TOX4: variants seen among roughly 807,000 people sequenced by gnomAD.
The protein encoded by TOX4 is epidermal Langerhans cell protein LCP1.
TOX4 carries 12 observed loss-of-function variants against 61.0 expected under a neutral mutation model. That is an observed-to-expected ratio of 0.20 (90% CI 0.13 to 0.32). The LOEUF is 0.32. Ranked by LOEUF, TOX4 falls within the 10% of genes least tolerant of loss-of-function variation. The pLI is 1.00. For synonymous variants in TOX4, 268 were observed against 274.8 expected (o/e 0.98, Z 0.24); for missense variants, 499 against 753.3 (o/e 0.66, Z 3.95).
rs185367879 is a variant in TOX4, at chr14:21,496,618, C to A, written c.*12C>A. 65 of 1,608,406 alleles carry A rather than the reference C, an allele frequency of 4.0e-5. 1 individual carries two copies. In the East Asian group the frequency reaches 1.4e-3, roughly 35 times the overall value. ...TGTTTGTGAAATAGTCCTTCCTGTT[C>A]TCCAAGCCAGTGAAGAGTTATCTGC... is the stretch of plus-strand genomic sequence containing the variant. On this transcript the variant is annotated 3_prime_UTR_variant, in exon 9 of 9. Transcript: ENST00000448790.
At chr14:21,480,357 T>C (rs1403120779) in intron 2 of TOX4, among the ~76,000 whole-genome samples, 1 of 152,216 alleles carries the variant, frequency 6.6e-6, no homozygotes, top group Non-Finnish European at 1.5e-5. Flanking sequence ...GTAGCTTCCT[T>C]TGCCTAAGGC....
chr14:21,487,344 G>GA (rs1029381116), intron 2 of TOX4, 107 bp from the exon 3 acceptor site: 47 of 1,452,796 alleles, frequency 3.2e-5, no homozygotes, highest in African/African-American at 2.3e-4. Flanking sequence ...ATCCTAAGCA[G>GA]AAAAAATGCA....
Position 21,492,688 on chromosome 14 carries a change from G to A in TOX4, c.1072G>A (p.Gly358Arg). ...CTATGTGGCAAACCAGGCATCTTCT[G>A]GAGCTGGGGGTCAGCCCAATATCAC... ...SSYVANQASSGAGGQPNITKL... is the reference protein window; with the variant it reads ...SSYVANQASSRAGGQPNITKL... The change falls in exon 7 of 9, where the codon GGA becomes AGA. Residue 358 changes from glycine to arginine, a missense_variant. Transcript: ENST00000448790. 6.2e-7 allele frequency: 1 copy of A among 1,614,042 alleles called. No homozygotes were observed. The highest frequency in any genetic ancestry group is 8.5e-7 in the Non-Finnish European group (1 of 1,180,026).
chr14:21,487,444 C>G lies in TOX4; in HGVS notation c.76-7C>G. 6.2e-7 allele frequency: 1 copy of G among 1,611,138 alleles called. No homozygotes were observed. The highest frequency in any genetic ancestry group is 1.1e-5 in the South Asian group (1 of 90,886). ...ACTAATTCTTTTCCCCCTTTTTTCCCCTACAGACATTCCATACACCAAGCT... is the reference window on the plus strand; with the variant it reads ...ACTAATTCTTTTCCCCCTTTTTTCCGCTACAGACATTCCATACACCAAGCT... On this transcript the variant is annotated splice_region_variant and splice_polypyrimidine_tract_variant and intron_variant, in intron 2 of 8. Transcript: ENST00000448790.
chr14:21,479,002 C>G (rs990754227), intron 2 of TOX4, among the ~76,000 whole-genome samples: 2 of 74,334 alleles, frequency 2.7e-5, no homozygotes, highest in Admixed American at 2.7e-4. Context: ...TTTGTAGAGA[C>G]GGGGTTTCAC....
chr14:21,487,958 A>T, intron 3 of TOX4: 1 of 305,116 alleles, frequency 3.3e-6, no homozygotes, highest in Non-Finnish European at 5.9e-6. Flanking sequence ...TTCTGCTTTT[A>T]TTATGGCCTT....
chr14:21,489,355 A>T lies in TOX4; in HGVS notation c.762A>T (p.Ser254=). The T allele has an allele frequency of 1.2e-6, 2 of 1,614,234 alleles. No homozygotes were observed. Among genetic ancestry groups the T allele is most frequent in the Non-Finnish European group, 1.7e-6 (2 of 1,180,044 alleles). ...QNPNATFGEV[S]KIVASMWDSL... ...CTAATGCCACTTTTGGTGAGGTTTCAAAAATTGTGGCCTCCATGTGGGATA... is the reference window on the plus strand; with the variant it reads ...CTAATGCCACTTTTGGTGAGGTTTCTAAAATTGTGGCCTCCATGTGGGATA... Residue 254 remains serine, a synonymous_variant, in exon 5 of 9, where the codon TCA becomes TCT. Coordinates refer to ENST00000448790, the MANE Select transcript of TOX4 (RefSeq NM_014828.4).
chr14:21,496,906 T>C lies in TOX4; in HGVS notation c.*300T>C. On this transcript the variant is annotated 3_prime_UTR_variant, in exon 9 of 9. Transcript: ENST00000448790. ...GGGGTGGTGGTGGGGTTGAAGAAAC[T>C]TGTTGGTATAATTGTCATAGGACTT... is the stretch of plus-strand genomic sequence containing the variant. 1 of 306,964 alleles carries C rather than the reference T, an allele frequency of 3.3e-6. No individual in the cohort carries two copies. Among genetic ancestry groups the C allele is most frequent in the East Asian group, 6.7e-5 (1 of 14,926 alleles). The allele number at this position is 306,964 out of a possible 1,614,324, so 19.0% of individuals were successfully genotyped here.
At chr14:21,480,068 A>G (rs567778335) in intron 2 of TOX4, among the ~76,000 whole-genome samples, 1 of 152,298 alleles carries the variant, frequency 6.6e-6, no homozygotes, top group Admixed American at 6.5e-5. Context: ...CCTAGGCTCA[A>G]GCGATCCTCC....
chr14:21,480,071 G>A (rs1891082085), intron 2 of TOX4, among the ~76,000 whole-genome samples: 1 of 152,120 alleles, frequency 6.6e-6, no homozygotes, highest in Non-Finnish European at 1.5e-5. Context: ...AGGCTCAAGC[G>A]ATCCTCCCAC....
intron 7 of TOX4, 117 bp from the exon 8 acceptor site, chr14:21,495,112 C>T (rs540308205): frequency 2.5e-6 from 3 of 1,183,880 alleles, no homozygotes; most frequent in Non-Finnish European, 3.6e-6. Context: ...GTTTTGCCCC[C>T]CAGTGTGAGG....
Position 21,497,428 on chromosome 14 carries a change from TTGTAGACAGGAATGC to T in TOX4, c.*826_*840del, listed in dbSNP as rs1226535738. ...TAAATAAAACTCAAATTTTTACTGTTTGTAGACAGGAATGCTGTCCTAGAGAACCTCCTCCTCAAC... is the reference window on the plus strand; with the variant it reads ...TAAATAAAACTCAAATTTTTACTGTTTGTCCTAGAGAACCTCCTCCTCAAC... On this transcript the variant is annotated 3_prime_UTR_variant, in exon 9 of 9. Coordinates refer to ENST00000448790, the MANE Select transcript of TOX4 (RefSeq NM_014828.4). 1 of 152,120 alleles carries T rather than the reference TTGTAGACAGGAATGC, an allele frequency of 6.6e-6. No homozygotes were observed. The highest frequency in any genetic ancestry group is 1.5e-5 in the Non-Finnish European group (1 of 68,032). The allele number at this position is 152,120 out of a possible 1,614,324, so 9.4% of individuals were successfully genotyped here.
In TOX4 at chr14:21,496,764, A is replaced by G. The variant is rs907180511; in HGVS notation, c.*158A>G. On this transcript the variant is annotated 3_prime_UTR_variant, in exon 9 of 9. Coordinates refer to ENST00000448790, the MANE Select transcript of TOX4 (RefSeq NM_014828.4). ...TTCTTCCTTCAGCAGAGGCCAGGCT[A>G]TGGAGCAGGGCCACTGAATTTGCTG... 6.5e-5 allele frequency: 41 copies of G among 630,710 alleles called. No individual in the cohort carries two copies. In the African/African-American group the frequency reaches 7.0e-4, roughly 11 times the overall value. 39.1% of individuals were successfully genotyped at this position (630,710 alleles called of 1,614,324 possible). A position where few individuals can be genotyped will look rare whatever the true frequency, so the allele number is the denominator to read the frequency against.
intron 2 of TOX4, among the ~76,000 whole-genome samples, chr14:21,478,000 G>A (rs959607701): frequency 6.6e-6 from 1 of 152,164 alleles, no homozygotes; most frequent in African/African-American, 2.4e-5. Context: ...GCAGTGGTGC[G>A]ATCTCGGCTC....
rs1891175417 is a variant in TOX4, at chr14:21,485,241, C to A, written c.76-2210C>A. Among the ~76,000 whole-genome samples, 2 of 104,260 alleles carry A rather than the reference C, an allele frequency of 1.9e-5. 1 individual carries two copies. The highest frequency in any genetic ancestry group is 6.7e-4 in the South Asian group (2 of 2,984). 68.4% of individuals were successfully genotyped at this position (104,260 alleles called of 152,430 possible). On this transcript the variant is annotated intron_variant, in intron 2 of 8. Transcript: ENST00000448790. ...GACCAGCCTGACCAACATGGAGAAA[C>A]CCCGTCTCTACTAAAAATACAAAAT...
At chr14:21,489,645 C>T (rs1378936557) in intron 5 of TOX4, among the ~76,000 whole-genome samples, 1 of 151,938 alleles carries the variant, frequency 6.6e-6, no homozygotes, top group Non-Finnish European at 1.5e-5. Flanking sequence ...GTGCCGTGAT[C>T]TCAGCTCACT....
At position 21,498,460 on chromosome 14, in the gene TOX4, T is replaced by A; in HGVS notation, c.*1854T>A. On this transcript the variant is annotated 3_prime_UTR_variant, in exon 9 of 9. Coordinates refer to ENST00000448790, the MANE Select transcript of TOX4 (RefSeq NM_014828.4). Reference sequence around the variant, plus strand: ...AAATGCATACCAAATGAAGACTGCCTATCATCATATCAAATATGCCAATTC... The same window carrying A: ...AAATGCATACCAAATGAAGACTGCCAATCATCATATCAAATATGCCAATTC... The A allele has an allele frequency of 8.6e-7, 1 of 1,159,414 alleles. No individual in the cohort carries two copies. The highest frequency in any genetic ancestry group is 1.3e-6 in the Non-Finnish European group (1 of 793,106). 71.8% of individuals were successfully genotyped at this position (1,159,414 alleles called of 1,614,324 possible).
chr14:21,489,008 T>C (rs1891239947), intron 4 of TOX4, among the ~76,000 whole-genome samples, 158 bp downstream of exon 4: 1 of 152,182 alleles, frequency 6.6e-6, no homozygotes, highest in Admixed American at 6.5e-5. Flanking sequence ...TTTATAATTC[T>C]CCTCTCAATC....
chr14:21,490,648 A>G (rs1891271538), intron 5 of TOX4, among the ~76,000 whole-genome samples: 1 of 152,158 alleles, frequency 6.6e-6, no homozygotes, highest in Non-Finnish European at 1.5e-5. Flanking sequence ...CTTCCCATGT[A>G]CTTTCCACTA....
Sources: allele counts gnomAD v4.1 joint callset (sites outside exome capture counted in the v4.1 genomes callset), GRCh38; gene constraint gnomAD v4.1.1; transcripts MANE v1.5; gene names NCBI Gene and HGNC (gene_info 2026-07-23, HGNC 2026-07-21).